Variants in RXFP1 observed in about 807,000 individuals in gnomAD.
RXFP1 encodes relaxin family peptide receptor 1.
In RXFP1, 73 loss-of-function variants were observed where a neutral mutation model predicts 89.8. The observed-to-expected ratio is 0.81, with a 90% CI of 0.67 to 0.99. The LOEUF is 0.99. RXFP1 is among the 50% of genes least tolerant of loss of function. The probability of loss-of-function intolerance (pLI) is 0.00; values close to 1 mark genes in which losing one functional copy is unlikely to be tolerated. For synonymous variants in RXFP1, 277 were observed against 305.5 expected, an observed-to-expected ratio of 0.91 and a Z score of 0.97; for missense variants, 793 against 895.5, an observed-to-expected ratio of 0.89 and a Z score of 1.46.
intron 14 of RXFP1, among the ~76,000 whole-genome samples, chr4:158,644,578 G>T (rs774095162): frequency 1.3e-5 from 2 of 152,142 alleles, no homozygotes; most frequent in Non-Finnish European, 2.9e-5. Context: ...CTGCATTTAC[G>T]TATACTAACC....
Position 158,651,864 on chromosome 4 carries a change from T to G in RXFP1, c.2083T>G (p.Phe695Val). Residue 695 changes from phenylalanine to valine, a missense_variant, in exon 18 of 18, where the codon TTT becomes GTT. Phe to Val is a conservative substitution (Grantham distance 50). Coordinates refer to ENST00000307765, the MANE Select transcript of RXFP1 (RefSeq NM_021634.4). ...TRPFKEMIHR[F>V]WYNYRQRKSM... ...ACCATTTAAAGAAATGATTCATCGG[T>G]TTTGGTATAACTACAGACAAAGAAA... 6.2e-7 allele frequency: 1 copy of G among 1,614,134 alleles called. No individual in the cohort carries two copies.
chr4:158,527,112 G>A (rs1347234419), intron 1 of RXFP1, among the ~76,000 whole-genome samples: 1 of 152,100 alleles, frequency 6.6e-6, no homozygotes, highest in Admixed American at 6.5e-5. Context: ...CAGATAATCT[G>A]ATACATTCTT....
chr4:158,587,592 T>G (rs888000081), intron 2 of RXFP1, among the ~76,000 whole-genome samples: 1 of 152,156 alleles, frequency 6.6e-6, no homozygotes, highest in African/African-American at 2.4e-5. Flanking sequence ...CCACAAAAGG[T>G]GAAATTCTAT....
Position 158,646,866 on chromosome 4 carries a change from A to G in RXFP1, c.1421A>G (p.Lys474Arg). ...FDLKFRGEYN[K>R]HAQLWMESTH... ...CTAAAGTTTCGTGGAGAATACAATA[A>G]GCATGCGCAGCTGTGGATGGAGAGT... Residue 474 changes from lysine to arginine, a missense_variant, in exon 16 of 18, where the codon AAG (lysine) becomes AGG (arginine). Transcript: ENST00000307765. The G allele has an allele frequency of 1.2e-6, 2 of 1,614,186 alleles. No homozygotes were observed. The highest frequency in any genetic ancestry group is 1.7e-6 in the Non-Finnish European group (2 of 1,180,018).
chr4:158,627,667 G>A (rs1468989686), intron 10 of RXFP1, among the ~76,000 whole-genome samples: 1 of 151,994 alleles, frequency 6.6e-6, no homozygotes, highest in Non-Finnish European at 1.5e-5. Flanking sequence ...AGCTCCCACT[G>A]ATATTACCAT....
chr4:158,642,062 G>T (rs1471738881), intron 14 of RXFP1, among the ~76,000 whole-genome samples: 1 of 151,912 alleles, frequency 6.6e-6, no homozygotes, highest in Admixed American at 6.6e-5. Context: ...TGAGAGATAG[G>T]CATGTTAGCA....
At chr4:158,618,488 TA>T (rs1201628143) in intron 9 of RXFP1, among the ~76,000 whole-genome samples, 62 of 152,172 alleles carry the variant, frequency 4.1e-4, no homozygotes, top group African/African-American at 1.3e-3. Flanking sequence ...TTTTCATATG[TA>T]AATTCTAGCT....
At chr4:158,595,306 C>T (rs1217229471) in intron 3 of RXFP1, among the ~76,000 whole-genome samples, 2 of 152,208 alleles carry the variant, frequency 1.3e-5, no homozygotes, top group African/African-American at 4.8e-5. Flanking sequence ...TGGCTATTCA[C>T]TACAAAATGG....
In RXFP1 at chr4:158,644,589, A is replaced by C. The variant is rs1253445868; in HGVS notation, c.1116-320A>C. ...GTAACTGCATTTACGTATACTAACC[A>C]TTGCGAGTACGATAACGGTTTCTCT... is the stretch of plus-strand genomic sequence containing the variant. On this transcript the variant is annotated intron_variant, in intron 14 of 17. Coordinates refer to ENST00000307765, the MANE Select transcript of RXFP1 (RefSeq NM_021634.4). Among the ~76,000 whole-genome samples, 3 of 152,116 alleles carry C rather than the reference A, an allele frequency of 2.0e-5. 1 individual carries two copies. The East Asian group carries it at 5.8e-4, about 29-fold the overall frequency.
intron 2 of RXFP1, among the ~76,000 whole-genome samples, chr4:158,589,467 T>C (rs919500257): frequency 9.9e-5 from 15 of 152,214 alleles, no homozygotes; most frequent in African/African-American, 3.6e-4. Context: ...ATTTGTGTTC[T>C]GCAGCATGCT....
rs150357004 is a variant in RXFP1, at chr4:158,604,504, G to A, written c.393-564G>A. ...GTACAACCAAAATTATGTGGATCTGGTCTGTGTCAAACTGCTTATTAAATT... is the reference window on the plus strand; with the variant it reads ...GTACAACCAAAATTATGTGGATCTGATCTGTGTCAAACTGCTTATTAAATT... On this transcript the variant is annotated intron_variant, in intron 4 of 17. Transcript: ENST00000307765. Among the ~76,000 whole-genome samples the A allele has an allele frequency of 2.5e-3, 377 of 152,236 alleles. 2 individuals are homozygous for A. The highest frequency in any genetic ancestry group is 8.5e-3 in the African/African-American group (355 of 41,554).
At chr4:158,589,252 A>T (rs1240725249) in intron 2 of RXFP1, among the ~76,000 whole-genome samples, 1 of 152,162 alleles carries the variant, frequency 6.6e-6, no homozygotes, top group African/African-American at 2.4e-5. Flanking sequence ...ACAAGTGGGT[A>T]TTATTACAAT....
At chr4:158,630,916 TTAAG>T (rs1767904078) in intron 11 of RXFP1, among the ~76,000 whole-genome samples, 1 of 152,180 alleles carries the variant, frequency 6.6e-6, no homozygotes, top group African/African-American at 2.4e-5. Context: ...ACAGAGGACT[TTAAG>T]TAGCTCTAGT....
At chr4:158,638,584 G>T (rs778318020) in intron 13 of RXFP1, among the ~76,000 whole-genome samples, 1 of 152,152 alleles carries the variant, frequency 6.6e-6, no homozygotes, top group Non-Finnish European at 1.5e-5. Flanking sequence ...GAAGCAGGAG[G>T]ATTGCTTGAG....
chr4:158,601,798 A>AT (rs765979364), intron 4 of RXFP1, among the ~76,000 whole-genome samples: 2 of 152,194 alleles, frequency 1.3e-5, no homozygotes, highest in Non-Finnish European at 2.9e-5. Context: ...TGAAGTTGGG[A>AT]TTTTTTTAAG....
intron 6 of RXFP1, chr4:158,610,525 A>G: frequency 2.3e-6 from 1 of 428,306 alleles, no homozygotes; most frequent in South Asian, 1.8e-5. Flanking sequence ...CAATGCCAAC[A>G]TATATAAAAC....
intron 2 of RXFP1, among the ~76,000 whole-genome samples, chr4:158,592,857 G>C: frequency 6.6e-6 from 1 of 151,968 alleles, no homozygotes; most frequent in Non-Finnish European, 1.5e-5. Flanking sequence ...TTGGGGGGCC[G>C]AGGCGGACAG....
In RXFP1 at chr4:158,633,401, C is replaced by T; in HGVS notation, c.900-4C>T. The T allele has an allele frequency of 4.5e-6, 7 of 1,552,784 alleles. No homozygotes were observed. Among genetic ancestry groups the T allele is most frequent in the Non-Finnish European group, 6.2e-6 (7 of 1,127,860 alleles). On this transcript the variant is annotated splice_polypyrimidine_tract_variant and splice_region_variant and intron_variant, in intron 11 of 17. Coordinates refer to ENST00000307765, the MANE Select transcript of RXFP1 (RefSeq NM_021634.4). ...ATATCACATATTTGCAATTATTTCTCCAGGGATTTAGGAAGTAATAAGATT... is the reference window on the plus strand; with the variant it reads ...ATATCACATATTTGCAATTATTTCTTCAGGGATTTAGGAAGTAATAAGATT...
At chr4:158,602,079 T>A (rs756762803) in intron 4 of RXFP1, among the ~76,000 whole-genome samples, 1 of 152,176 alleles carries the variant, frequency 6.6e-6, no homozygotes, top group Non-Finnish European at 1.5e-5. Context: ...ACAATCAAAG[T>A]TGGACTGTCA....
Sources: gnomAD v4.1 joint callset for allele counts (sites outside exome capture counted in the v4.1 genomes callset) on GRCh38, gnomAD v4.1.1 for gene constraint, MANE v1.5 for transcripts, NCBI Gene and HGNC (gene_info 2026-07-23, HGNC 2026-07-21) for gene names.